The following TEX2 variants were observed in gnomAD, a reference collection of about 807,000 sequenced individuals.
The protein encoded by TEX2 is testis-expressed protein 2.
In TEX2, 53 loss-of-function variants were observed where a neutral mutation model predicts 106.9. The ratio of observed to expected loss-of-function variants is 0.50; its 90% CI spans 0.40 to 0.62. The LOEUF (loss-of-function observed/expected upper bound fraction) is 0.62. Ranked by LOEUF, TEX2 falls within the 20% of genes least tolerant of loss-of-function variation. The pLI is 0.00. For synonymous variants in TEX2, 523 were observed against 534.8 expected (o/e 0.98, Z 0.30); for missense variants, 1,207 against 1,379.0 (o/e 0.88, Z 1.98).
chr17:64,181,604 G>A (rs950496460), intron 5 of TEX2, among the ~76,000 whole-genome samples: 2 of 150,702 alleles, frequency 1.3e-5, no homozygotes, highest in African/African-American at 2.4e-5. Context: ...TGCAAACTCC[G>A]CCTCCCAGGT....
intron 5 of TEX2, among the ~76,000 whole-genome samples, chr17:64,183,762 T>C (rs9913400): frequency 0.69 from 104,469 of 152,028 alleles, 36,164 homozygotes; most frequent in East Asian, 0.83. Flanking sequence ...TCACTAATAC[T>C]TGTTATCATC....
intron 1 of TEX2, among the ~76,000 whole-genome samples, chr17:64,256,589 T>C (rs1555637771): frequency 6.6e-6 from 1 of 152,216 alleles, no homozygotes; most frequent in African/African-American, 2.4e-5. Flanking sequence ...GCCCTGTTCT[T>C]TTCCTTCAGA....
chr17:64,228,036 T>TGCTATAGATAAACCTTTGACTA (rs1311141836), intron 1 of TEX2, among the ~76,000 whole-genome samples: 2 of 152,228 alleles, frequency 1.3e-5, no homozygotes, highest in Non-Finnish European at 2.9e-5. Flanking sequence ...CTGCACATGA[T>TGCTATAGATAAACCTTTGACTA]GCTATAGATA....
At chr17:64,164,256 G>A (rs1051836146) in intron 7 of TEX2, among the ~76,000 whole-genome samples, 2 of 152,048 alleles carry the variant, frequency 1.3e-5, no homozygotes, top group African/African-American at 4.8e-5. Flanking sequence ...TGGCCATCAT[G>A]GTGAAACCTC....
intron 8 of TEX2, among the ~76,000 whole-genome samples, chr17:64,156,767 C>T (rs557694431): frequency 6.6e-6 from 1 of 152,320 alleles, no homozygotes. Flanking sequence ...GCACAGGGAG[C>T]CTGCTCCTCA....
At chr17:64,207,023 G>A (rs1204348192) in intron 2 of TEX2, among the ~76,000 whole-genome samples, 1 of 152,212 alleles carries the variant, frequency 6.6e-6, no homozygotes, top group Non-Finnish European at 1.5e-5. Flanking sequence ...TCCCATAAAT[G>A]TATCACTGCT....
chr17:64,159,022 T>C (rs2030762599), intron 8 of TEX2, among the ~76,000 whole-genome samples: 3 of 152,332 alleles, frequency 2.0e-5, no homozygotes, highest in African/African-American at 7.2e-5. Flanking sequence ...AGGATCTTTT[T>C]TTCACTCAGT....
chr17:64,249,416 C>G (rs1249170681), intron 1 of TEX2, among the ~76,000 whole-genome samples: 1 of 152,078 alleles, frequency 6.6e-6, no homozygotes, highest in African/African-American at 2.4e-5. Flanking sequence ...TGTGACAGAT[C>G]CCACAAAATG....
At chr17:64,159,775 C>A (rs2143651038) in intron 8 of TEX2, among the ~76,000 whole-genome samples, 1 of 152,296 alleles carries the variant, frequency 6.6e-6, no homozygotes, top group East Asian at 1.9e-4. Context: ...ATAGCACAGA[C>A]ACCGGTTAGA....
At chr17:64,253,761 A>T (rs1226876318) in intron 1 of TEX2, among the ~76,000 whole-genome samples, 1 of 152,230 alleles carries the variant, frequency 6.6e-6, no homozygotes, top group African/African-American at 2.4e-5. Context: ...GGCAGAAAGC[A>T]CAGGCTGAAC....
At position 64,160,890 on chromosome 17, in the gene TEX2, C is replaced by T; in HGVS notation, c.2715G>A (p.Leu905=). The T allele has an allele frequency of 6.2e-7, 1 of 1,614,130 alleles. No individual in the cohort carries two copies. Among genetic ancestry groups the T allele is most frequent in the South Asian group, 1.1e-5 (1 of 91,082 alleles). The change falls in exon 8 of 12, where the codon CTG becomes CTA. Residue 905 remains leucine (L), a synonymous_variant. Coordinates refer to ENST00000584379, the MANE Select transcript of TEX2 (RefSeq NM_001288732.2). ...DLEMSYNGSF[L]MTLETKMNLT... Reference sequence around the variant, plus strand: ...AATTCATTTTGGTCTCGAGAGTCATCAGAAAGGACCCATTGTAGGACATTT... The same window carrying T: ...AATTCATTTTGGTCTCGAGAGTCATTAGAAAGGACCCATTGTAGGACATTT...
At chr17:64,196,981 G>GT (rs2032490681) in intron 2 of TEX2, among the ~76,000 whole-genome samples, 6 of 41,764 alleles carry the variant, frequency 1.4e-4, no homozygotes, top group African/African-American at 3.5e-4. Context: ...GTCAAATCAA[G>GT]ATTTTTTTTT....
intron 2 of TEX2, among the ~76,000 whole-genome samples, chr17:64,199,494 C>T (rs2143942844): frequency 6.6e-6 from 1 of 152,258 alleles, no homozygotes; most frequent in Middle Eastern, 3.4e-3. Flanking sequence ...ACCTTGGCCT[C>T]CCAAAGTGCT....
rs546597551 is a variant in TEX2, at chr17:64,209,598, A to G, written c.1644+2976T>C. On this transcript the variant is annotated intron_variant, in intron 2 of 11. Transcript: ENST00000584379. Reference sequence around the variant, plus strand: ...GAGCATTAAAGTACTTGTTCTCTACAAGGAAAATTCAAATACGTTTATCCT... The same window carrying G: ...GAGCATTAAAGTACTTGTTCTCTACGAGGAAAATTCAAATACGTTTATCCT... 7.9e-5 allele frequency among the ~76,000 whole-genome samples: 12 copies of G among 152,362 alleles called. No individual in the cohort carries two copies. The South Asian group carries it at 2.5e-3, about 32-fold the overall frequency.
At chr17:64,182,458 G>A (rs779054036) in intron 5 of TEX2, among the ~76,000 whole-genome samples, 6 of 152,012 alleles carry the variant, frequency 3.9e-5, no homozygotes, top group Non-Finnish European at 7.4e-5. Flanking sequence ...GATTAAGATG[G>A]CAAACTTTAT....
At chr17:64,189,818 CT>C (rs1400424672) in intron 4 of TEX2, among the ~76,000 whole-genome samples, 2 of 151,956 alleles carry the variant, frequency 1.3e-5, no homozygotes, top group Non-Finnish European at 2.9e-5. Context: ...CCCATCTCTA[CT>C]AAAAATACAA....
At chr17:64,186,041 G>T (rs1376361731) in intron 5 of TEX2, among the ~76,000 whole-genome samples, 1 of 152,166 alleles carries the variant, frequency 6.6e-6, no homozygotes, top group African/African-American at 2.4e-5. Flanking sequence ...GTGACATCAG[G>T]GACCCCAGTG....
In TEX2 at chr17:64,213,343, C is replaced by T. The variant is rs1555632001; in HGVS notation, c.875G>A (p.Arg292Gln). 5 of 1,613,952 alleles carry T rather than the reference C, an allele frequency of 3.1e-6. No individual in the cohort carries two copies. Among genetic ancestry groups the T allele is most frequent in the Admixed American group, 3.3e-5 (2 of 60,026 alleles). Residue 292 changes from arginine (R) to glutamine (Q), a missense_variant, in exon 2 of 12, where the codon CGA becomes CAA. Coordinates refer to ENST00000584379, the MANE Select transcript of TEX2 (RefSeq NM_001288732.2). This position sits in a 1 kb window ranked among gnomAD's most constrained non-coding sequence, Gnocchi z 4.4. ...CTCATAGATGACTTCTGAAAGGCGT[C>T]GTTTAGTATCTTCAATTTTAGCCTC... The part of the protein sequence containing the change: ...EMEAKIEDTK[R>Q]RLSEVIYEPF...
chr17:64,252,585 G>C (rs1192291404), intron 1 of TEX2, among the ~76,000 whole-genome samples: 1 of 151,990 alleles, frequency 6.6e-6, no homozygotes, highest in Non-Finnish European at 1.5e-5. Flanking sequence ...CAAAGTGCTG[G>C]GATTACAGGC....
Sources: gnomAD v4.1 joint callset for allele counts (sites outside exome capture counted in the v4.1 genomes callset) on GRCh38, gnomAD v4.1.1 for gene constraint, Gnocchi (gnomAD v3.1) non-coding constraint, MANE v1.5 for transcripts, NCBI Gene and HGNC (gene_info 2026-07-23, HGNC 2026-07-21) for gene names.